The following ANKRD29 variants were observed in gnomAD, a reference collection of about 807,000 sequenced individuals.
ANKRD29 encodes the protein ankyrin repeat domain 29.
A neutral mutation model predicts 38.0 loss-of-function variants in ANKRD29; 32 were observed. The observed-to-expected ratio is 0.84, with a 90% CI of 0.64 to 1.13. The LOEUF (loss-of-function observed/expected upper bound fraction) is 1.13. ANKRD29 is among the 50% of genes most tolerant of loss of function. The pLI, the probability that ANKRD29 is intolerant of heterozygous loss-of-function variation, is 0.00. For missense variants in ANKRD29, 357 were observed against 377.9 expected (o/e 0.94, Z 0.46); for synonymous variants, 135 against 152.4 (o/e 0.89, Z 0.84).
chr18:23,662,705 C>T lies in ANKRD29; in HGVS notation c.21+5G>A, dbSNP rs1456435247. 4 of 1,474,438 alleles carry T rather than the reference C, an allele frequency of 2.7e-6. No homozygotes were observed. Among genetic ancestry groups the T allele is most frequent in the East Asian group, 6.0e-5 (2 of 33,394 alleles). 91.3% of individuals were successfully genotyped at this position (1,474,438 alleles called of 1,614,324 possible). The stretch of plus-strand genomic sequence containing the variant: ...AGCCCTGACCCCGGAGTCCCGGTCG[C>T]TCACCTTGAAGGACATCCTGCACAT... On this transcript the variant is annotated splice_donor_5th_base_variant and intron_variant, in intron 1 of 9. Coordinates refer to ENST00000592179, the MANE Select transcript of ANKRD29 (RefSeq NM_173505.4).
At chr18:23,629,775 T>A (rs554472818) in intron 6 of ANKRD29, 78 bp downstream of exon 6, 1 of 1,127,916 alleles carries the variant, frequency 8.9e-7, no homozygotes, top group South Asian at 1.3e-5. Flanking sequence ...TTATCTCAGG[T>A]ATGTGCTGCC....
chr18:23,613,469 A>C (rs2059670670), intron 8 of ANKRD29, among the ~76,000 whole-genome samples: 1 of 151,700 alleles, frequency 6.6e-6, no homozygotes, highest in Non-Finnish European at 1.5e-5. Flanking sequence ...ACCATGCCTG[A>C]CCAGGAGTTT....
intron 5 of ANKRD29, among the ~76,000 whole-genome samples, chr18:23,632,545 A>G (rs942421022): frequency 3.4e-5 from 5 of 148,934 alleles, no homozygotes; most frequent in Non-Finnish European, 7.4e-5. Flanking sequence ...ATATATATAT[A>G]TATTACACAC....
At chr18:23,620,239 T>C (rs1236019651) in intron 6 of ANKRD29, among the ~76,000 whole-genome samples, 1 of 152,190 alleles carries the variant, frequency 6.6e-6, no homozygotes, top group Non-Finnish European at 1.5e-5. Context: ...CCTCATTTCT[T>C]AGGGGGCTTA....
chr18:23,625,973 G>C (rs976123096), intron 6 of ANKRD29, among the ~76,000 whole-genome samples: 18 of 152,172 alleles, frequency 1.2e-4, no homozygotes, highest in African/African-American at 4.1e-4. Flanking sequence ...CTCTGCACCA[G>C]CCATGGGGAT....
chr18:23,606,606 C>T (rs1364944721), intron 9 of ANKRD29, among the ~76,000 whole-genome samples: 2 of 152,166 alleles, frequency 1.3e-5, no homozygotes, highest in Non-Finnish European at 2.9e-5. Context: ...CCACTACACC[C>T]AACCTTGTTT....
chr18:23,603,329 C>G (rs1233985176), intron 9 of ANKRD29, among the ~76,000 whole-genome samples: 1 of 152,182 alleles, frequency 6.6e-6, no homozygotes, highest in Non-Finnish European at 1.5e-5. Flanking sequence ...TTTCATTGTG[C>G]AATATCAAAA....
At chr18:23,602,506 C>A (rs975276200) in intron 9 of ANKRD29, among the ~76,000 whole-genome samples, 2 of 152,174 alleles carry the variant, frequency 1.3e-5, no homozygotes, top group Non-Finnish European at 2.9e-5. Flanking sequence ...GTGAACCAGT[C>A]CCTACCATTG....
rs188545774 is a variant in ANKRD29 at position 23,656,468 on chromosome 18, G to A, written c.21+6242C>T. ...TATGAAAATGAAAAAGTTAATCTGT[G>A]TTTCCCAAATCAAAGTTAATAAATA... On this transcript the variant is annotated intron_variant, in intron 1 of 9. Transcript: ENST00000592179. Among the ~76,000 whole-genome samples, 235 of 152,260 alleles carry A rather than the reference G, an allele frequency of 1.5e-3. 1 individual carries two copies. The highest frequency in any genetic ancestry group is 5.4e-3 in the African/African-American group (225 of 41,534).
At chr18:23,652,262 A>G (rs1460926083) in intron 1 of ANKRD29, among the ~76,000 whole-genome samples, 1 of 152,096 alleles carries the variant, frequency 6.6e-6, no homozygotes, top group African/African-American at 2.4e-5. Flanking sequence ...ACACTAGCTT[A>G]TTTCATCCTC....
In ANKRD29 at chr18:23,619,511, C is replaced by G. The variant is rs756524794; in HGVS notation, c.627+20G>C. 1.6e-5 allele frequency: 25 copies of G among 1,567,748 alleles called. No individual in the cohort carries two copies. The highest frequency in any genetic ancestry group is 2.1e-5 in the Non-Finnish European group (24 of 1,166,612). On this transcript the variant is annotated intron_variant, in intron 7 of 9. Transcript: ENST00000592179. ...GCGCCGGGAGGCTTCGCTCTTTGGC[C>G]GCGCGACTCGGGCACTCACGTTCCG...
intron 1 of ANKRD29, among the ~76,000 whole-genome samples, chr18:23,652,539 G>T: frequency 6.6e-6 from 1 of 152,088 alleles, no homozygotes; most frequent in East Asian, 1.9e-4. Context: ...TCTGTTTGGG[G>T]TCTATACACA....
chr18:23,646,950 T>C (rs1480330224), intron 2 of ANKRD29: 1 of 152,276 alleles, frequency 6.6e-6, no homozygotes, highest in Admixed American at 6.5e-5. Context: ...ACCCTTCTAA[T>C]TGAAGTGGGC....
chr18:23,608,205 A>T (rs760280066), intron 9 of ANKRD29, among the ~76,000 whole-genome samples: 1 of 152,244 alleles, frequency 6.6e-6, no homozygotes, highest in Non-Finnish European at 1.5e-5. Flanking sequence ...AGCACATAGC[A>T]CAGTGCATGG....
chr18:23,639,422 A>C (rs1292451943), intron 3 of ANKRD29, among the ~76,000 whole-genome samples: 1 of 152,202 alleles, frequency 6.6e-6, no homozygotes. Flanking sequence ...AGCTAAAAAG[A>C]AAGGAAATTC....
intron 5 of ANKRD29, among the ~76,000 whole-genome samples, chr18:23,630,681 C>T (rs1388476049): frequency 2.6e-5 from 4 of 151,792 alleles, no homozygotes; most frequent in Non-Finnish European, 5.9e-5. Flanking sequence ...AATTTTCCAT[C>T]TCCATCTCTT....
chr18:23,612,224 G>T (rs746088952), intron 8 of ANKRD29, 34 bp from the exon 9 acceptor site: 40 of 1,581,100 alleles, frequency 2.5e-5, no homozygotes, highest in Non-Finnish European at 3.3e-5. Context: ...TCAGGAGTGA[G>T]CTCACAGCCA....
chr18:23,619,490 C>T (rs1248723710), intron 7 of ANKRD29, 41 bp downstream of exon 7: 2 of 1,529,580 alleles, frequency 1.3e-6, no homozygotes, highest in African/African-American at 1.4e-5. Context: ...ACAGGCGCGC[C>T]GGGAGGCTTC....
At chr18:23,644,991 C>T (rs756471366) in intron 3 of ANKRD29, among the ~76,000 whole-genome samples, 2 of 152,154 alleles carry the variant, frequency 1.3e-5, no homozygotes, top group Admixed American at 6.5e-5. Context: ...TCAGAGGTGA[C>T]GGTCCAGGCT....
Sources: allele counts gnomAD v4.1 joint callset (sites outside exome capture counted in the v4.1 genomes callset), GRCh38; gene constraint gnomAD v4.1.1; transcripts MANE v1.5; gene names NCBI Gene and HGNC (gene_info 2026-07-23, HGNC 2026-07-21).